Variants in SH3RF3 observed in about 807,000 individuals in gnomAD.
The protein encoded by SH3RF3 is SH3 domain containing ring finger 3.
In SH3RF3, 29 loss-of-function variants were observed where a neutral mutation model predicts 66.3. The ratio of observed to expected loss-of-function variants is 0.44; its 90% confidence interval spans 0.33 to 0.60. The LOEUF (loss-of-function observed/expected upper bound fraction) is 0.60. Ranked by LOEUF, SH3RF3 falls within the 20% of genes least tolerant of loss-of-function variation. SH3RF3 has a pLI of 0.04. For missense variants in SH3RF3, 1,194 were observed against 1,190.9 expected (o/e 1.00, Z -0.04); for synonymous variants, 583 against 532.0 (o/e 1.10, Z -1.32).
intron 1 of SH3RF3, among the ~76,000 whole-genome samples, chr2:109,199,227 C>T (rs11897985): frequency 0.13 from 18,964 of 146,420 alleles, 1,474 homozygotes; most frequent in Middle Eastern, 0.18. Flanking sequence ...GGCGTGGTGG[C>T]GGGTGCCTGT....
At chr2:109,262,104 C>T (rs945792039) in intron 1 of SH3RF3, among the ~76,000 whole-genome samples, 5 of 152,142 alleles carry the variant, frequency 3.3e-5, no homozygotes, top group African/African-American at 9.7e-5. Flanking sequence ...CAGGTGCCCT[C>T]GGCCTCAGGG....
At chr2:109,229,392 G>C (rs1259137960) in intron 1 of SH3RF3, among the ~76,000 whole-genome samples, 1 of 152,102 alleles carries the variant, frequency 6.6e-6, no homozygotes, top group Non-Finnish European at 1.5e-5. Flanking sequence ...GTTTTTTCCT[G>C]CCATCCTTTT....
chr2:109,368,453 G>A (rs1683192442), intron 2 of SH3RF3, among the ~76,000 whole-genome samples: 1 of 151,270 alleles, frequency 6.6e-6, no homozygotes, highest in Non-Finnish European at 1.5e-5. Flanking sequence ...TTTAATGATT[G>A]GCCAATTTTA....
intron 1 of SH3RF3, among the ~76,000 whole-genome samples, chr2:109,249,070 C>T (rs941396286): frequency 2.0e-5 from 3 of 151,942 alleles, no homozygotes; most frequent in Non-Finnish European, 2.9e-5. Flanking sequence ...GTGTAGAGAC[C>T]ACAGCTCACT....
At chr2:109,298,134 G>A (rs1681367105) in intron 1 of SH3RF3, among the ~76,000 whole-genome samples, 1 of 152,180 alleles carries the variant, frequency 6.6e-6, no homozygotes, top group African/African-American at 2.4e-5. Context: ...AGGGCATTGT[G>A]GCAGTAGCCA....
chr2:109,357,933 C>G (rs1369830230), intron 2 of SH3RF3, among the ~76,000 whole-genome samples: 1 of 152,160 alleles, frequency 6.6e-6, no homozygotes, highest in Non-Finnish European at 1.5e-5. Flanking sequence ...CGTTATTACT[C>G]TAAGCCTATA....
chr2:109,155,150 C>T (rs913443469), intron 1 of SH3RF3, among the ~76,000 whole-genome samples: 21 of 152,268 alleles, frequency 1.4e-4, no homozygotes, highest in South Asian at 6.2e-4. Flanking sequence ...TGCTGATGTT[C>T]GGTGGTGTTC....
chr2:109,157,694 A>G (rs1677381020), intron 1 of SH3RF3, among the ~76,000 whole-genome samples: 1 of 152,324 alleles, frequency 6.6e-6, no homozygotes, highest in African/African-American at 2.4e-5. Context: ...TGCCTGTTTT[A>G]TCACCTACAA....
intron 3 of SH3RF3, among the ~76,000 whole-genome samples, chr2:109,379,349 T>G (rs376611410): frequency 9.2e-5 from 14 of 152,320 alleles, no homozygotes; most frequent in African/African-American, 3.4e-4. Flanking sequence ...AAAACGCCTT[T>G]AAAGTCATGG....
intron 3 of SH3RF3, among the ~76,000 whole-genome samples, chr2:109,374,055 A>G (rs1439259610): frequency 1.3e-5 from 2 of 152,060 alleles, no homozygotes; most frequent in African/African-American, 2.4e-5. Context: ...CTGAAAAGCC[A>G]CCTTAAAGCC....
At chr2:109,350,621 T>A (rs1384331421) in intron 2 of SH3RF3, among the ~76,000 whole-genome samples, 2 of 152,204 alleles carry the variant, frequency 1.3e-5, no homozygotes, top group African/African-American at 4.8e-5. Context: ...CCAAGAGACA[T>A]GGGCAACTCC....
At chr2:109,337,576 C>G (rs1448623513) in intron 1 of SH3RF3, among the ~76,000 whole-genome samples, 1 of 152,246 alleles carries the variant, frequency 6.6e-6, no homozygotes, top group East Asian at 1.9e-4. Flanking sequence ...TGGAGCTTCC[C>G]CGAGCCTTTA....
intron 1 of SH3RF3, among the ~76,000 whole-genome samples, chr2:109,345,113 G>T (rs1559034592): frequency 2.0e-5 from 3 of 152,022 alleles, no homozygotes; most frequent in Non-Finnish European, 1.5e-5. Context: ...TCTCTGTCCT[G>T]GGTGGTGGCC....
chr2:109,362,761 G>A lies in SH3RF3; in HGVS notation c.850-8825G>A, dbSNP rs189970996. ...GTATTTTGACACTGTTGTTAGGTGC[G>A]TGTAATGATAAGGATTATTATGTCT... is the stretch of plus-strand genomic sequence containing the variant. On this transcript the variant is annotated intron_variant, in intron 2 of 9. Transcript: ENST00000309415. 8.5e-5 allele frequency among the ~76,000 whole-genome samples: 13 copies of A among 152,258 alleles called. No homozygotes were observed. The East Asian group carries it at 1.2e-3, about 14-fold the overall frequency.
intron 1 of SH3RF3, among the ~76,000 whole-genome samples, chr2:109,147,895 G>C (rs1454045790): frequency 6.6e-6 from 1 of 152,266 alleles, no homozygotes; most frequent in East Asian, 1.9e-4. Context: ...TAAACTCTGC[G>C]TTTATAGTTA....
At chr2:109,400,358 C>A (rs941427984) in intron 4 of SH3RF3, among the ~76,000 whole-genome samples, 1 of 152,024 alleles carries the variant, frequency 6.6e-6, no homozygotes, top group African/African-American at 2.4e-5. Context: ...TTACATACAC[C>A]GCCATCCACA....
At chr2:109,381,705 G>C (rs1315291216) in intron 3 of SH3RF3, among the ~76,000 whole-genome samples, 1 of 152,074 alleles carries the variant, frequency 6.6e-6, no homozygotes, top group Non-Finnish European at 1.5e-5. Flanking sequence ...AGCTTTACTG[G>C]TGACATCAGT....
rs182066659 is a variant in SH3RF3 at position 109,431,453 on chromosome 2, A to G, written c.1404-1048A>G. Among the ~76,000 whole-genome samples the G allele has an allele frequency of 5.2e-3, 793 of 152,306 alleles. 10 individuals are homozygous for G. Among genetic ancestry groups the G allele is most frequent in the African/African-American group, 0.018 (744 of 41,562 alleles). On this transcript the variant is annotated intron_variant, in intron 5 of 9. Transcript: ENST00000309415. ...AGAGCACTTTTGTAAGTATTATCCA[A>G]TCTTTACAAGGAAAAGATATAGGTA...
At chr2:109,425,580 T>G (rs1035897494) in intron 5 of SH3RF3, among the ~76,000 whole-genome samples, 6 of 152,200 alleles carry the variant, frequency 3.9e-5, no homozygotes, top group African/African-American at 1.2e-4. Context: ...TTAAGAATTA[T>G]GCTAAATCTA....
Sources: gnomAD v4.1 joint callset for allele counts (sites outside exome capture counted in the v4.1 genomes callset) on GRCh38, gnomAD v4.1.1 for gene constraint, MANE v1.5 for transcripts, NCBI Gene and HGNC (gene_info 2026-07-23, HGNC 2026-07-21) for gene names.